The following LOC128706665 variants were observed in gnomAD, a reference collection of about 807,000 sequenced individuals.
At chr20:10,429,929 T>C in the LOC128706665 span, among the ~76,000 whole-genome samples, 1 of 152,242 alleles carries the variant, frequency 6.6e-6, no homozygotes, top group Non-Finnish European at 1.5e-5. Flanking sequence ...TGTGTTTTAA[T>C]TAATTCTTTA....
chr20:10,427,029 G>GAC, the LOC128706665 span, among the ~76,000 whole-genome samples: 4,996 of 130,632 alleles, frequency 0.038, 177 homozygotes, highest in East Asian at 0.14. Context: ...AGAAAACACT[G>GAC]ACACACACAC....
At chr20:10,427,043 C>G in the LOC128706665 span, among the ~76,000 whole-genome samples, 358 of 123,000 alleles carry the variant, frequency 2.9e-3, 6 homozygotes, top group South Asian at 0.041. Flanking sequence ...CACACACACA[C>G]ACACACACAC....
the LOC128706665 span, chr20:10,414,015 C>T: frequency 1.0e-5 from 4 of 390,986 alleles, no homozygotes; most frequent in South Asian, 2.9e-4. Flanking sequence ...TTCTAATGCT[C>T]TGCTGCCTTT....
At chr20:10,418,398 T>A in the LOC128706665 span, among the ~76,000 whole-genome samples, 9 of 152,214 alleles carry the variant, frequency 5.9e-5, no homozygotes, top group Non-Finnish European at 1.3e-4. Context: ...TTGAGGCATG[T>A]ATGTAATTTT....
chr20:10,418,167 G>T, the LOC128706665 span, among the ~76,000 whole-genome samples: 2 of 152,174 alleles, frequency 1.3e-5, no homozygotes, highest in Non-Finnish European at 2.9e-5. Context: ...ACATACAAAA[G>T]GACTACATAG....
At chr20:10,433,332 G>C in the LOC128706665 span, among the ~76,000 whole-genome samples, 1 of 152,190 alleles carries the variant, frequency 6.6e-6, no homozygotes, top group Non-Finnish European at 1.5e-5. Context: ...TCCGCAGTTG[G>C]TTGAATTCAC....
the LOC128706665 span, among the ~76,000 whole-genome samples, chr20:10,426,791 G>C: frequency 6.6e-6 from 1 of 152,124 alleles, no homozygotes; most frequent in African/African-American, 2.4e-5. Flanking sequence ...TACAGTTCTG[G>C]AGGTAAGAAA....
the LOC128706665 span, among the ~76,000 whole-genome samples, chr20:10,415,561 T>C: frequency 2.6e-5 from 4 of 152,184 alleles, no homozygotes; most frequent in South Asian, 4.1e-4. Context: ...AATCTGTTTA[T>C]TGATGCCAGG....
chr20:10,432,817 C>T, the LOC128706665 span, among the ~76,000 whole-genome samples: 1 of 94,862 alleles, frequency 1.1e-5, no homozygotes, highest in African/African-American at 3.3e-5. Context: ...AAAAAAAAAT[C>T]GTGTAGTTTT....
At chr20:10,428,780 A>G in the LOC128706665 span, among the ~76,000 whole-genome samples, 3 of 152,280 alleles carry the variant, frequency 2.0e-5, no homozygotes, top group African/African-American at 7.2e-5. Context: ...CAGAGGTTAC[A>G]TTACAGTGAG....
At chr20:10,419,870 A>G in the LOC128706665 span, among the ~76,000 whole-genome samples, 1 of 152,222 alleles carries the variant, frequency 6.6e-6, no homozygotes, top group Admixed American at 6.5e-5. Context: ...TTTCTATTTA[A>G]TATTTTCAGA....
chr20:10,415,056 T>C, the LOC128706665 span, among the ~76,000 whole-genome samples: 21 of 152,322 alleles, frequency 1.4e-4, no homozygotes, highest in South Asian at 4.3e-3. Flanking sequence ...AAAGGACATG[T>C]AGAAATACAA....
chr20:10,424,817 C>T, the LOC128706665 span, among the ~76,000 whole-genome samples: 2 of 151,618 alleles, frequency 1.3e-5, no homozygotes, highest in Admixed American at 1.3e-4. Flanking sequence ...TTTGGGAGGC[C>T]GAGGCAGGTG....
the LOC128706665 span, among the ~76,000 whole-genome samples, chr20:10,427,027 C>G: frequency 6.6e-5 from 8 of 122,004 alleles, no homozygotes; most frequent in Non-Finnish European, 1.2e-4. Context: ...AAAGAAAACA[C>G]TGACACACAC....
the LOC128706665 span, among the ~76,000 whole-genome samples, chr20:10,433,727 G>A: frequency 6.6e-6 from 1 of 152,114 alleles, no homozygotes; most frequent in Non-Finnish European, 1.5e-5. Context: ...GGTACACCGT[G>A]CACCCTCCAG....
chr20:10,426,804 C>CA, the LOC128706665 span, among the ~76,000 whole-genome samples: 3 of 152,106 alleles, frequency 2.0e-5, no homozygotes, highest in East Asian at 3.9e-4. Flanking sequence ...GTAAGAAAAA[C>CA]AAAAAAATTA....
At chr20:10,422,607 C>A in the LOC128706665 span, among the ~76,000 whole-genome samples, 5 of 152,158 alleles carry the variant, frequency 3.3e-5, no homozygotes, top group Non-Finnish European at 5.9e-5. Flanking sequence ...TTGCAAACAC[C>A]TTAACTAAAG....
At chr20:10,422,859 C>T in the LOC128706665 span, among the ~76,000 whole-genome samples, 2 of 151,692 alleles carry the variant, frequency 1.3e-5, no homozygotes, top group Non-Finnish European at 1.5e-5. Flanking sequence ...CTACAGGTGC[C>T]CGCCACCACA....
the LOC128706665 span, among the ~76,000 whole-genome samples, chr20:10,430,098 T>C: frequency 6.6e-6 from 1 of 152,234 alleles, no homozygotes; most frequent in Non-Finnish European, 1.5e-5. Flanking sequence ...AAGCCTTTAG[T>C]GACATTTTTG....
Sources: gnomAD v4.1 joint callset for allele counts (sites outside exome capture counted in the v4.1 genomes callset) on GRCh38, gnomAD v4.1.1 for gene constraint, MANE v1.5 for transcripts.